SKA3: variants seen among roughly 807,000 people sequenced by gnomAD.
SKA3 encodes spindle and kinetochore associated complex subunit 3, also known as spindle and kinetochore-associated protein 3.
Under a neutral mutation model 44.2 loss-of-function variants are expected in SKA3, and 39 were observed. The ratio of observed to expected loss-of-function variants is 0.88; its 90% CI spans 0.68 to 1.15. SKA3 has a LOEUF of 1.15. Among genes scored for constraint, SKA3 ranks in the 50% most tolerant of loss-of-function variants. SKA3 has a pLI of 0.00. For missense variants in SKA3, 511 were observed against 485.8 expected (o/e 1.05, Z -0.49); for synonymous variants, 192 against 172.0 (o/e 1.12, Z -0.91).
chr13:21,176,261 G>A lies in SKA3; in HGVS notation c.103+114C>T, dbSNP rs186858811. ...GCACCCGCCCTGCGCCTCGGTGGCA[G>A]CCGTCCACGCCGTCAGTGCCTGGCG... On this transcript the variant is annotated intron_variant, in intron 1 of 8. Coordinates refer to ENST00000314759, the MANE Select transcript of SKA3 (RefSeq NM_145061.6). 1.9e-4 allele frequency: 160 copies of A among 834,774 alleles called. 1 individual carries two copies. The African/African-American group carries it at 2.6e-3, about 14-fold the overall frequency. 51.7% of individuals were successfully genotyped at this position (834,774 alleles called of 1,614,324 possible).
intron 6 of SKA3, among the ~76,000 whole-genome samples, chr13:21,158,474 T>TA (rs1331945863): frequency 6.6e-6 from 1 of 151,766 alleles, no homozygotes; most frequent in Admixed American, 6.6e-5. Context: ...TACAAAAAAT[T>TA]AGCCAGGTGT....
intron 1 of SKA3, 90 bp downstream of exon 1, chr13:21,176,285 C>A (rs1274275455): frequency 3.0e-6 from 3 of 1,002,748 alleles, no homozygotes; most frequent in African/African-American, 1.7e-5. Context: ...CAGTGCCTGG[C>A]GGTTCCCGTG....
intron 6 of SKA3, among the ~76,000 whole-genome samples, chr13:21,158,567 G>A (rs1190294228): frequency 2.0e-5 from 3 of 152,290 alleles, no homozygotes; most frequent in East Asian, 3.9e-4. Flanking sequence ...GTTGCAGTGA[G>A]CCAAGATCGC....
At position 21,168,211 on chromosome 13, in the gene SKA3, T is replaced by G. The variant is rs1439572449; in HGVS notation, c.520A>C (p.Asn174His). The G allele has an allele frequency of 6.2e-7, 1 of 1,614,190 alleles. No homozygotes were observed. Residue 174 changes from asparagine to histidine, a missense_variant, in exon 4 of 9, where the codon AAC becomes CAC. Coordinates refer to ENST00000314759, the MANE Select transcript of SKA3 (RefSeq NM_145061.6). ...TAGTTGTTCACTGCCTGTGGAGGGT[T>G]TGGTAGAACTTGGGATACGATGTAC... Reference protein sequence around the residue: ...ERYIVSQVLPNPPQAVNNYKE... With the variant: ...ERYIVSQVLPHPPQAVNNYKE...
At chr13:21,160,808 C>T (rs1033039023) in intron 5 of SKA3, among the ~76,000 whole-genome samples, 1 of 152,182 alleles carries the variant, frequency 6.6e-6, no homozygotes, top group African/African-American at 2.4e-5. Context: ...AACACTACCT[C>T]CTAATCAGCA....
At position 21,171,267 on chromosome 13, in the gene SKA3, C is replaced by A. The variant is rs115680517; in HGVS notation, c.331+1072G>T. On this transcript the variant is annotated intron_variant, in intron 3 of 8. Coordinates refer to ENST00000314759, the MANE Select transcript of SKA3 (RefSeq NM_145061.6). ...CACACATCCTCAATACATACTTGTTCAATTTAATAACAGAAATGAAGACAC... is the reference window on the plus strand; with the variant it reads ...CACACATCCTCAATACATACTTGTTAAATTTAATAACAGAAATGAAGACAC... Among the ~76,000 whole-genome samples the A allele has an allele frequency of 2.5e-3, 384 of 152,210 alleles. 1 individual carries two copies. The highest frequency in any genetic ancestry group is 9.1e-3 in the African/African-American group (379 of 41,542).
intron 4 of SKA3, 21 bp downstream of exon 4, chr13:21,167,967 C>A: frequency 1.8e-6 from 2 of 1,107,240 alleles, no homozygotes; most frequent in East Asian, 4.2e-5. Flanking sequence ...ATAAAATATG[C>A]CTTTTAACAG....
intron 8 of SKA3, 66 bp from the exon 9 acceptor site, chr13:21,155,216 A>T (rs932047488): frequency 4.3e-6 from 5 of 1,175,936 alleles, no homozygotes; most frequent in Admixed American, 2.2e-5. Flanking sequence ...CAAATGACAC[A>T]ATACTGTGGC....
chr13:21,162,748 G>A (rs1595299688), intron 4 of SKA3, among the ~76,000 whole-genome samples: 1 of 152,056 alleles, frequency 6.6e-6, no homozygotes, highest in Non-Finnish European at 1.5e-5. Context: ...TATATATGTT[G>A]TACAAAAGTT....
At position 21,168,191 on chromosome 13, in the gene SKA3, GT is replaced by G; in HGVS notation, c.539del (p.Asn180ThrfsTer8). On this transcript the variant is annotated frameshift_variant, in exon 4 of 9. Coordinates refer to ENST00000314759, the MANE Select transcript of SKA3 (RefSeq NM_145061.6). LOFTEE classifies it high-confidence loss of function. ...CAATTACGGGCTCTTCCTTATAGTT[GT>G]TCACTGCCTGTGGAGGGTTTGGTAG... Reference protein sequence around the residue: ...QVLPNPPQAVNNYKEEPVIVT... With the variant: ...QVLPNPPQAVXNYKEEPVIVT... The G allele has an allele frequency of 6.2e-7, 1 of 1,614,098 alleles. No homozygotes were observed. The highest frequency in any genetic ancestry group is 1.1e-5 in the South Asian group (1 of 91,078).
intron 5 of SKA3, among the ~76,000 whole-genome samples, chr13:21,160,320 G>T (rs896906228): frequency 7.2e-5 from 11 of 151,988 alleles, no homozygotes; most frequent in African/African-American, 2.7e-4. Flanking sequence ...CGGAGAACAG[G>T]TCACTTGTCT....
chr13:21,155,082 A>G lies in SKA3; in HGVS notation c.*68T>C. ...ACAGAGGCAGGGCAATGTGAATGTT[A>G]AAATCGGTCCAGCTCGGCTTTCATC... On this transcript the variant is annotated 3_prime_UTR_variant, in exon 9 of 9. Transcript: ENST00000314759. 1 of 1,605,392 alleles carries G rather than the reference A, an allele frequency of 6.2e-7. No individual in the cohort carries two copies. Among genetic ancestry groups the G allele is most frequent in the Non-Finnish European group, 8.5e-7 (1 of 1,174,748 alleles).
At chr13:21,174,789 C>A (rs910700502) in intron 1 of SKA3, among the ~76,000 whole-genome samples, 10 of 151,636 alleles carry the variant, frequency 6.6e-5, no homozygotes, top group African/African-American at 2.4e-4. Flanking sequence ...ACAACAACAA[C>A]AAAAAGCGCA....
intron 3 of SKA3, 24 bp from the exon 4 acceptor site, chr13:21,168,423 C>T (rs771737973): frequency 8.5e-6 from 13 of 1,531,984 alleles, no homozygotes; most frequent in Non-Finnish European, 1.1e-5. Context: ...TCAGAATATT[C>T]TGGTCAAACT....
chr13:21,174,937 CTAATGAAATTGAT>C, intron 1 of SKA3, among the ~76,000 whole-genome samples: 1 of 152,050 alleles, frequency 6.6e-6, no homozygotes, highest in East Asian at 1.9e-4. Flanking sequence ...TCCTTGATGA[CTAATGAAATTGAT>C]GTCTTTTCAC....
chr13:21,155,821 A>AG lies in SKA3; in HGVS notation c.1120-11_1120-10insC. ...TGTATTTTGATAAAAGCTAAAAAAA[A>AG]AAAAGGAAATTCCTTTTTATCGAGC... On this transcript the variant is annotated splice_polypyrimidine_tract_variant and intron_variant, in intron 7 of 8. Transcript: ENST00000314759. The AG allele has an allele frequency of 7.0e-7, 1 of 1,429,554 alleles. No individual in the cohort carries two copies. The highest frequency in any genetic ancestry group is 9.8e-7 in the Non-Finnish European group (1 of 1,022,426). 88.6% of individuals were successfully genotyped at this position (1,429,554 alleles called of 1,614,324 possible).
In SKA3 at chr13:21,157,903, AAT is replaced by A; in HGVS notation, c.1119+17_1119+18del. The stretch of plus-strand genomic sequence containing the variant: ...AAGAATATCAGCAAAAAAAAAAAAA[AAT>A]AGCCTGGAAAAATAACCTGGAGAAT... On this transcript the variant is annotated intron_variant, in intron 7 of 8. Transcript: ENST00000314759. 1 of 1,524,428 alleles carries A rather than the reference AAT, an allele frequency of 6.6e-7. No individual in the cohort carries two copies. Among genetic ancestry groups the A allele is most frequent in the South Asian group, 1.2e-5 (1 of 84,036 alleles). The allele number at this position is 1,524,428 out of a possible 1,614,324, so 94.4% of individuals were successfully genotyped here. A position where few individuals can be genotyped will look rare whatever the true frequency, so the allele number is the denominator to read the frequency against.
intron 3 of SKA3, among the ~76,000 whole-genome samples, chr13:21,170,808 A>G (rs765996157): frequency 3.3e-5 from 5 of 152,212 alleles, no homozygotes; most frequent in Admixed American, 6.5e-5. Context: ...CACGCATGTA[A>G]TAACTGGTGG....
intron 1 of SKA3, among the ~76,000 whole-genome samples, chr13:21,173,119 G>A (rs1392175214): frequency 6.6e-6 from 1 of 152,178 alleles, no homozygotes; most frequent in Non-Finnish European, 1.5e-5. Context: ...TAAGTATATA[G>A]TTTAATGAAC....
Sources: allele counts gnomAD v4.1 joint callset (sites outside exome capture counted in the v4.1 genomes callset), GRCh38; gene constraint gnomAD v4.1.1; transcripts MANE v1.5; gene names NCBI Gene and HGNC (gene_info 2026-07-23, HGNC 2026-07-21).